The following MYO5B variants were observed in gnomAD, a reference collection of about 807,000 sequenced individuals.
MYO5B encodes the protein myosin VB.
A neutral mutation model predicts 229.3 loss-of-function variants in MYO5B; 143 were observed. That is an observed-to-expected ratio of 0.62 (90% confidence interval 0.54 to 0.72). The LOEUF (loss-of-function observed/expected upper bound fraction) is 0.72. Ranked by LOEUF, MYO5B falls within the 30% of genes least tolerant of loss-of-function variation. The pLI is 0.00. For synonymous variants in MYO5B, 918 were observed against 885.2 expected (o/e 1.04, Z -0.66); for missense variants, 2,321 against 2,331.0 (o/e 1.00, Z 0.09).
chr18:49,990,035 C>T (rs1418758680), intron 7 of MYO5B, among the ~76,000 whole-genome samples: 17 of 152,200 alleles, frequency 1.1e-4, no homozygotes. Context: ...TTCTCTTTGC[C>T]TCAATCCTAA....
At chr18:49,935,901 A>G (rs1410022086) in intron 16 of MYO5B, among the ~76,000 whole-genome samples, 1 of 152,248 alleles carries the variant, frequency 6.6e-6, no homozygotes, top group Admixed American at 6.5e-5. Context: ...TCAACACAAG[A>G]AAAGCCTTTC....
At chr18:49,851,158 A>G (rs2024196174) in intron 31 of MYO5B, 1 of 152,236 alleles carries the variant, frequency 6.6e-6, no homozygotes, top group African/African-American at 2.4e-5. Context: ...CAAGAAGGAA[A>G]GATTAATCCA....
At chr18:49,908,227 G>T (rs991316675) in intron 18 of MYO5B, among the ~76,000 whole-genome samples, 2 of 152,146 alleles carry the variant, frequency 1.3e-5, no homozygotes, top group African/African-American at 4.8e-5. Context: ...GGTCTCACCT[G>T]CTCCACTGAG....
At position 49,992,261 on chromosome 18, in the gene MYO5B, C is replaced by A. The variant is rs751848197; in HGVS notation, c.756+27G>T. ...AAGGTAATTGTCCATGAGAAATACA[C>A]AAAAGGGCGCAAATCCTCCCACTCA... On this transcript the variant is annotated intron_variant, in intron 6 of 39. Transcript: ENST00000285039. 5 of 1,614,066 alleles carry A rather than the reference C, an allele frequency of 3.1e-6. No homozygotes were observed. The East Asian group carries it at 1.1e-4, about 36-fold the overall frequency.
intron 3 of MYO5B, among the ~76,000 whole-genome samples, chr18:50,039,884 G>A (rs1311451045): frequency 1.3e-5 from 2 of 152,114 alleles, no homozygotes; most frequent in African/African-American, 2.4e-5. Context: ...GGACTCCAAG[G>A]ACTGAGCTAA....
intron 5 of MYO5B, among the ~76,000 whole-genome samples, chr18:49,998,700 T>G (rs1488985777): frequency 6.6e-6 from 1 of 152,168 alleles, no homozygotes; most frequent in Non-Finnish European, 1.5e-5. Context: ...GAGCAAAATA[T>G]TAATATATGC....
chr18:49,832,313 A>T lies in MYO5B; in HGVS notation c.5394+3031T>A, dbSNP rs573373129. On this transcript the variant is annotated intron_variant, in intron 39 of 39. Coordinates refer to ENST00000285039, the MANE Select transcript of MYO5B (RefSeq NM_001080467.3). ...AGAGTACCATCACTGGCACATAGTA[A>T]GTGCTGTATTTGCTGTTATCAGTTT... Among the ~76,000 whole-genome samples, 3 of 152,320 alleles carry T rather than the reference A, an allele frequency of 2.0e-5. No homozygotes were observed. The South Asian group carries it at 6.2e-4, about 32-fold the overall frequency.
At chr18:50,192,582 T>C (rs1275596769) in intron 1 of MYO5B, among the ~76,000 whole-genome samples, 1 of 152,192 alleles carries the variant, frequency 6.6e-6, no homozygotes, top group African/African-American at 2.4e-5. Context: ...CCCAGGAAAC[T>C]TCACCAGAAA....
chr18:50,059,361 A>C (rs1473215062), intron 1 of MYO5B, among the ~76,000 whole-genome samples: 2 of 152,194 alleles, frequency 1.3e-5, no homozygotes, highest in Non-Finnish European at 2.9e-5. Flanking sequence ...AATATGCCCT[A>C]ATGGGGTGAT....
intron 28 of MYO5B, 145 bp from the exon 29 acceptor site, chr18:49,863,472 G>A: frequency 1.4e-6 from 1 of 731,014 alleles, no homozygotes; most frequent in Admixed American, 2.1e-5. Flanking sequence ...CCCACGCCAG[G>A]AACATGACTC....
At chr18:50,130,804 G>T (rs531373825) in intron 1 of MYO5B, among the ~76,000 whole-genome samples, 15 of 152,234 alleles carry the variant, frequency 9.9e-5, no homozygotes, top group African/African-American at 3.6e-4. Flanking sequence ...TTTACAAAAC[G>T]ACTGTGATGT....
intron 17 of MYO5B, among the ~76,000 whole-genome samples, chr18:49,912,532 G>A (rs1378188040): frequency 6.6e-6 from 1 of 152,168 alleles, no homozygotes; most frequent in African/African-American, 2.4e-5. Context: ...GTACCCAGTG[G>A]GAGATAACTG....
intron 1 of MYO5B, among the ~76,000 whole-genome samples, chr18:50,088,801 C>T (rs896322014): frequency 6.6e-6 from 1 of 152,144 alleles, no homozygotes. Flanking sequence ...TTTTGCATAT[C>T]TATCTTATCT....
chr18:49,952,279 C>A (rs2144242197), intron 14 of MYO5B, among the ~76,000 whole-genome samples: 1 of 152,354 alleles, frequency 6.6e-6, no homozygotes, highest in South Asian at 2.1e-4. Flanking sequence ...TGTTATCAGG[C>A]CCCTGCAGTG....
intron 1 of MYO5B, among the ~76,000 whole-genome samples, chr18:50,087,938 AG>A (rs2031366913): frequency 1.3e-5 from 2 of 152,218 alleles, no homozygotes; most frequent in Admixed American, 1.3e-4. Flanking sequence ...CAAGAGCAGC[AG>A]GGGTTGGGTA....
chr18:49,957,698 A>AAC (rs1482278367), intron 12 of MYO5B, among the ~76,000 whole-genome samples: 1 of 146,726 alleles, frequency 6.8e-6, no homozygotes, highest in Non-Finnish European at 1.5e-5. Context: ...AAAAAAAAAA[A>AAC]CCAGACCCCA....
chr18:50,143,568 C>A (rs2032451044), intron 1 of MYO5B, among the ~76,000 whole-genome samples: 1 of 152,104 alleles, frequency 6.6e-6, no homozygotes, highest in Non-Finnish European at 1.5e-5. Flanking sequence ...CTAATCACAC[C>A]AATATTTATC....
At chr18:50,064,899 G>A (rs534443862) in intron 1 of MYO5B, among the ~76,000 whole-genome samples, 1 of 152,246 alleles carries the variant, frequency 6.6e-6, no homozygotes, top group East Asian at 1.9e-4. Flanking sequence ...CCACTTCACT[G>A]ACCAAAATTA....
At chr18:49,915,547 C>A (rs1346809437) in intron 17 of MYO5B, among the ~76,000 whole-genome samples, 1 of 152,224 alleles carries the variant, frequency 6.6e-6, no homozygotes, top group Non-Finnish European at 1.5e-5. Flanking sequence ...CTGCCCTTTG[C>A]CCTTTACTCA....
Sources: allele counts gnomAD v4.1 joint callset (sites outside exome capture counted in the v4.1 genomes callset), GRCh38; gene constraint gnomAD v4.1.1; transcripts MANE v1.5; gene names NCBI Gene and HGNC (gene_info 2026-07-23, HGNC 2026-07-21).